CDC20B: variants seen among roughly 807,000 people sequenced by gnomAD.
CDC20B encodes the protein cell division cycle protein 20 homolog B.
CDC20B carries 58 observed loss-of-function variants against 64.1 expected under a neutral mutation model. That is an observed-to-expected ratio of 0.90 (90% CI 0.73 to 1.13). The LOEUF is 1.13. CDC20B is among the 50% of genes most tolerant of loss of function. The pLI is 0.00. For missense variants in CDC20B, 597 were observed against 633.0 expected (o/e 0.94, Z 0.61); for synonymous variants, 243 against 230.6 (o/e 1.05, Z -0.49).
rs765994754 is a variant in CDC20B, at chr5:55,114,364, G to C, written c.1460-46C>G. Reference sequence around the variant, plus strand: ...AGTTCATACTCCTCCACGTTACATGGGCTGCTGCTCAGGACTGTAGGCAAT... The same window carrying C: ...AGTTCATACTCCTCCACGTTACATGCGCTGCTGCTCAGGACTGTAGGCAAT... On this transcript the variant is annotated intron_variant, in intron 11 of 11. Transcript: ENST00000381375. The surrounding 1 kb of genome is among the most constrained non-coding windows in gnomAD (Gnocchi z 4.1). 1 of 1,607,102 alleles carries C rather than the reference G, an allele frequency of 6.2e-7. No homozygotes were observed. Among genetic ancestry groups the C allele is most frequent in the South Asian group, 1.1e-5 (1 of 89,952 alleles).
At chr5:55,119,091 G>A (rs1742693538) in intron 11 of CDC20B, among the ~76,000 whole-genome samples, 1 of 152,202 alleles carries the variant, frequency 6.6e-6, no homozygotes, top group Non-Finnish European at 1.5e-5. Flanking sequence ...CAGGAGGCCA[G>A]GTGAGTGAAC....
chr5:55,160,906 C>G (rs2270910), intron 2 of CDC20B: 193,869 of 1,363,864 alleles, frequency 0.14, 14,787 homozygotes, highest in East Asian at 0.25. Context: ...ATAGTCCCCC[C>G]CAAATTGTTT....
intron 4 of CDC20B, 147 bp from the exon 5 acceptor site, chr5:55,140,554 T>A (rs1242211579): frequency 1.8e-6 from 1 of 552,782 alleles, no homozygotes; most frequent in Non-Finnish European, 3.2e-6. Context: ...CAATAATCGC[T>A]ATTATTTATT....
chr5:55,121,893 A>T (rs570078312), intron 9 of CDC20B, among the ~76,000 whole-genome samples: 1 of 152,184 alleles, frequency 6.6e-6, no homozygotes. Context: ...CCTACATCTT[A>T]ACGCTTTTCT....
chr5:55,158,479 G>A (rs1214510245), intron 2 of CDC20B, among the ~76,000 whole-genome samples: 9 of 152,072 alleles, frequency 5.9e-5, no homozygotes. Context: ...AGTAGGAGTC[G>A]AGCGGTTCCT....
chr5:55,137,643 G>A (rs964736899), intron 5 of CDC20B: 1 of 456,734 alleles, frequency 2.2e-6, no homozygotes, highest in Non-Finnish European at 4.4e-6. Flanking sequence ...TGATCTATGG[G>A]AAGGGGAGAG....
In CDC20B at chr5:55,114,678, G is replaced by C. The variant is rs1442596048; in HGVS notation, c.1460-360C>G. Among the ~76,000 whole-genome samples the C allele has an allele frequency of 6.6e-6, 1 of 152,152 alleles. No individual in the cohort carries two copies. Among genetic ancestry groups the C allele is most frequent in the Non-Finnish European group, 1.5e-5 (1 of 68,030 alleles). ...TGCTCCCTAGGGAGGCTCTCGAGGG[G>C]ATTCCATGCTTTGCAGCTATTGGCA... On this transcript the variant is annotated intron_variant, in intron 11 of 11. Transcript: ENST00000381375. This position sits in a 1 kb window ranked among gnomAD's most constrained non-coding sequence, Gnocchi z 4.1.
At chr5:55,171,037 G>A (rs1744579508) in intron 2 of CDC20B, among the ~76,000 whole-genome samples, 1 of 152,190 alleles carries the variant, frequency 6.6e-6, no homozygotes, top group African/African-American at 2.4e-5. Context: ...CTGTAGGCTG[G>A]GCGCAGTGGC....
chr5:55,120,465 T>C lies in CDC20B; in HGVS notation c.1301A>G (p.Asn434Ser), dbSNP rs1742729655. 6.2e-7 allele frequency: 1 copy of C among 1,613,696 alleles called. No individual in the cohort carries two copies. The highest frequency in any genetic ancestry group is 1.1e-5 in the South Asian group (1 of 91,072). Reference protein sequence around the residue: ...KDGRLHILDINAGKSIQTPST... With the variant: ...KDGRLHILDISAGKSIQTPST... ...TGGGGTCTGGATGCTCTTCCCAGCA[T>C]TTATATCCAAGATGTGTAAGCGTCC... Residue 434 changes from asparagine to serine, a missense_variant, in exon 10 of 12, where the codon AAT (asparagine) becomes AGT (serine). By Grantham distance (46) the Asn-to-Ser change is conservative (BLOSUM62 1). This residue lies in a region of CDC20B where 353 missense variants were observed against 397.0 expected (regional missense o/e 0.89). Transcript: ENST00000381375.
rs1266283716 is a variant in CDC20B at position 55,114,160 on chromosome 5, G to A, written c.*58C>T. On this transcript the variant is annotated 3_prime_UTR_variant, in exon 12 of 12. Coordinates refer to ENST00000381375, the MANE Select transcript of CDC20B (RefSeq NM_001170402.1). The surrounding 1 kb of genome is among the most constrained non-coding windows in gnomAD (Gnocchi z 4.1). Reference sequence around the variant, plus strand: ...ATAAAAACCCCATGGAGAAGACATAGCCAACATCATCATCTTCACTCAGAA... The same window carrying A: ...ATAAAAACCCCATGGAGAAGACATAACCAACATCATCATCTTCACTCAGAA... 1 of 1,570,502 alleles carries A rather than the reference G, an allele frequency of 6.4e-7. No individual in the cohort carries two copies. The highest frequency in any genetic ancestry group is 1.4e-5 in the African/African-American group (1 of 73,548).
At chr5:55,172,314 C>T in intron 2 of CDC20B, 1 of 363,938 alleles carries the variant, frequency 2.7e-6, no homozygotes, top group Non-Finnish European at 5.0e-6. Context: ...AAATCATTAA[C>T]AGCCGCTAGC....
At chr5:55,171,545 G>A (rs1744600262) in intron 2 of CDC20B, among the ~76,000 whole-genome samples, 1 of 152,136 alleles carries the variant, frequency 6.6e-6, no homozygotes, top group Admixed American at 6.5e-5. Flanking sequence ...AATGACATTA[G>A]TAATCGAGTT....
chr5:55,132,050 C>T (rs1743045700), intron 6 of CDC20B, among the ~76,000 whole-genome samples: 1 of 151,408 alleles, frequency 6.6e-6, no homozygotes, highest in African/African-American at 2.4e-5. Context: ...CAAAGCAAGA[C>T]TCTGTTTAAA....
At chr5:55,139,386 A>G (rs148916070) in intron 5 of CDC20B, among the ~76,000 whole-genome samples, 1 of 152,298 alleles carries the variant, frequency 6.6e-6, no homozygotes, top group East Asian at 1.9e-4. Context: ...CAACTGTGCA[A>G]CTGGCCAAGA....
intron 2 of CDC20B, among the ~76,000 whole-genome samples, chr5:55,152,925 T>G (rs1262594161): frequency 1.3e-5 from 2 of 152,164 alleles, no homozygotes; most frequent in Non-Finnish European, 2.9e-5. Flanking sequence ...TAAGCTGTTT[T>G]CATCCTTCTC....
chr5:55,130,337 T>C (rs1421977826), intron 6 of CDC20B, among the ~76,000 whole-genome samples: 3 of 152,210 alleles, frequency 2.0e-5, no homozygotes, highest in African/African-American at 7.2e-5. Flanking sequence ...ATCTAAAGAA[T>C]GTGGAGAAAA....
chr5:55,131,484 A>G (rs763334371), intron 6 of CDC20B, among the ~76,000 whole-genome samples: 3 of 152,196 alleles, frequency 2.0e-5, no homozygotes, highest in Non-Finnish European at 4.4e-5. Flanking sequence ...GATGAGAAAG[A>G]GTGAACAAAA....
At chr5:55,119,460 C>G (rs560724987) in intron 11 of CDC20B, among the ~76,000 whole-genome samples, 2 of 152,136 alleles carry the variant, frequency 1.3e-5, no homozygotes, top group South Asian at 4.2e-4. Context: ...CCTTTCAGAT[C>G]GCTTTATCTT....
intron 3 of CDC20B, among the ~76,000 whole-genome samples, chr5:55,146,299 C>T (rs1322550375): frequency 6.6e-6 from 1 of 152,214 alleles, no homozygotes; most frequent in Non-Finnish European, 1.5e-5. Flanking sequence ...CTCCTACGCA[C>T]TTCCAATTCC....
Sources: gnomAD v4.1 joint callset for allele counts (sites outside exome capture counted in the v4.1 genomes callset) on GRCh38, gnomAD v4.1.1 for gene constraint, gnomAD v4.1.1 regional missense constraint, Gnocchi (gnomAD v3.1) non-coding constraint, MANE v1.5 for transcripts, NCBI Gene and HGNC (gene_info 2026-07-23, HGNC 2026-07-21) for gene names.